The following MIB1 variants were observed in gnomAD, a reference collection of about 807,000 sequenced individuals.
MIB1 encodes the protein MIB E3 ubiquitin protein ligase 1, also known as E3 ubiquitin-protein ligase MIB1.
A neutral mutation model predicts 124.5 loss-of-function variants in MIB1; 278 were observed. The observed-to-expected ratio is 2.23, with a 90% confidence interval of 2.02 to 2.47. MIB1 has a LOEUF of 2.47. Ranked by LOEUF, MIB1 falls within the 30% of genes most tolerant of loss-of-function variation. MIB1 has a pLI of 0.00. For missense variants in MIB1, 957 were observed against 1,254.4 expected (o/e 0.76, Z 3.58); for synonymous variants, 446 against 429.4 (o/e 1.04, Z -0.48).
chr18:21,839,559 C>T (rs1240063071), intron 13 of MIB1, among the ~76,000 whole-genome samples: 1 of 152,206 alleles, frequency 6.6e-6, no homozygotes, highest in East Asian at 1.9e-4. Flanking sequence ...GGCTGGAGTA[C>T]AGTGGCACAA....
intron 2 of MIB1, among the ~76,000 whole-genome samples, chr18:21,766,714 A>G (rs774397545): frequency 2.0e-5 from 3 of 152,084 alleles, no homozygotes; most frequent in Non-Finnish European, 4.4e-5. Context: ...TTTTGTTTGC[A>G]ATTAAAATTA....
chr18:21,766,632 C>T (rs1334980551), intron 2 of MIB1, among the ~76,000 whole-genome samples: 1 of 132,806 alleles, frequency 7.5e-6, no homozygotes. Flanking sequence ...TGGAGTCATA[C>T]CTCTCTTGGT....
rs1385712211 is a variant in MIB1 at position 21,866,525 on chromosome 18, TC to T, written c.*1861del. The T allele has an allele frequency of 1.3e-5, 2 of 152,168 alleles. No individual in the cohort carries two copies. The highest frequency in any genetic ancestry group is 2.9e-5 in the Non-Finnish European group (2 of 68,022). 9.4% of individuals were successfully genotyped at this position (152,168 alleles called of 1,614,324 possible). A position where few individuals can be genotyped will look rare whatever the true frequency, so the allele number is the denominator to read the frequency against. ...AAAACAGCATGTCAGGTTTTTCCTT[TC>T]CTTCCATGCCATGGGCTACCCATCT... is the stretch of plus-strand genomic sequence containing the variant. On this transcript the variant is annotated 3_prime_UTR_variant, in exon 21 of 21. Coordinates refer to ENST00000261537, the MANE Select transcript of MIB1 (RefSeq NM_020774.4).
chr18:21,720,876 A>G (rs994887173), intron 1 of MIB1, among the ~76,000 whole-genome samples: 2 of 152,150 alleles, frequency 1.3e-5, no homozygotes, highest in African/African-American at 4.8e-5. Context: ...GATTGCTTCA[A>G]CACAGGAGTT....
intron 2 of MIB1, among the ~76,000 whole-genome samples, chr18:21,767,607 G>A (rs956247634): frequency 2.0e-5 from 3 of 152,020 alleles, no homozygotes; most frequent in Admixed American, 2.0e-4. Flanking sequence ...GAGTGCAGTG[G>A]CACAATGTTG....
intron 4 of MIB1, among the ~76,000 whole-genome samples, chr18:21,774,810 A>ATTTATTTATT (rs1555690026): frequency 6.7e-5 from 10 of 149,580 alleles, no homozygotes; most frequent in African/African-American, 2.5e-4. Flanking sequence ...TTTATTTTTT[A>ATTTATTTATT]TATTTATTTA....
In MIB1 at chr18:21,765,800, T is replaced by TA; in HGVS notation, c.259dup (p.Thr87AsnfsTer21). ...TCAAGCATGATGGAACCATGTGTGA[T>TA]ACCTGCCGCCAGCAACCAATCATTG... On this transcript the variant is annotated frameshift_variant, in exon 2 of 21. Transcript: ENST00000261537. LOFTEE classifies it high-confidence loss of function. 1 of 1,614,192 alleles carries TA rather than the reference T, an allele frequency of 6.2e-7. No individual in the cohort carries two copies. Among genetic ancestry groups the TA allele is most frequent in the East Asian group, 2.2e-5 (1 of 44,878 alleles).
At chr18:21,800,290 A>C (rs1263710639) in intron 9 of MIB1, among the ~76,000 whole-genome samples, 1 of 152,002 alleles carries the variant, frequency 6.6e-6, no homozygotes, top group East Asian at 1.9e-4. Flanking sequence ...GACATCTTCT[A>C]AGTATATTTT....
chr18:21,773,607 A>T lies in MIB1; in HGVS notation c.532-17A>T. ...TCCCCTTTAAAAAACTTCTTTTCTC[A>T]AAAACTATTCTGTTAGGTAACAGAA... On this transcript the variant is annotated splice_polypyrimidine_tract_variant and intron_variant, in intron 3 of 20. Transcript: ENST00000261537. 1 of 1,583,670 alleles carries T rather than the reference A, an allele frequency of 6.3e-7. No homozygotes were observed.
intron 4 of MIB1, among the ~76,000 whole-genome samples, chr18:21,776,813 G>A (rs1260373171): frequency 1.3e-5 from 2 of 151,878 alleles, no homozygotes; most frequent in African/African-American, 2.4e-5. Flanking sequence ...GTGAAACCTC[G>A]TAAAAATACA....
intron 1 of MIB1, among the ~76,000 whole-genome samples, chr18:21,760,367 A>G (rs534021505): frequency 6.6e-6 from 1 of 152,314 alleles, no homozygotes; most frequent in South Asian, 2.1e-4. Context: ...TTTAAATACC[A>G]ACTTTTGTTT....
intron 1 of MIB1, among the ~76,000 whole-genome samples, chr18:21,708,721 G>A (rs2040651779): frequency 6.6e-6 from 1 of 152,116 alleles, no homozygotes; most frequent in South Asian, 2.1e-4. Flanking sequence ...AGCTCAGAAA[G>A]TTTAATTCAT....
At chr18:21,760,338 T>C (rs2041083945) in intron 1 of MIB1, among the ~76,000 whole-genome samples, 1 of 152,242 alleles carries the variant, frequency 6.6e-6, no homozygotes, top group African/African-American at 2.4e-5. Flanking sequence ...TAATGCCCTT[T>C]CTTCTGTTTT....
intron 1 of MIB1, among the ~76,000 whole-genome samples, chr18:21,758,595 C>G (rs563443763): frequency 5.8e-4 from 88 of 151,662 alleles, no homozygotes; most frequent in Non-Finnish European, 1.0e-3. Flanking sequence ...AGTGCAATGG[C>G]GTGGTCTTGA....
chr18:21,762,329 A>G (rs183439229), intron 1 of MIB1, among the ~76,000 whole-genome samples: 34 of 152,344 alleles, frequency 2.2e-4, no homozygotes, highest in African/African-American at 7.5e-4. Flanking sequence ...TAACATAACC[A>G]GTGTTGAAAA....
At chr18:21,819,679 C>CAAA (rs1333202601) in intron 12 of MIB1, 33 bp downstream of exon 12, 1 of 1,407,282 alleles carries the variant, frequency 7.1e-7, no homozygotes, top group East Asian at 2.6e-5. Flanking sequence ...AGGTGCAATT[C>CAAA]AAAAATATTT....
intron 1 of MIB1, among the ~76,000 whole-genome samples, chr18:21,735,106 A>C (rs1420404157): frequency 6.6e-6 from 1 of 152,224 alleles, no homozygotes; most frequent in East Asian, 1.9e-4. Context: ...AAGGTGGCCA[A>C]ATAGGAACAG....
intron 1 of MIB1, among the ~76,000 whole-genome samples, chr18:21,743,276 C>G (rs2040875945): frequency 6.6e-6 from 1 of 152,176 alleles, no homozygotes; most frequent in Non-Finnish European, 1.5e-5. Context: ...TGATAATAAA[C>G]TATATTCACT....
chr18:21,724,816 G>A (rs1230858852), intron 1 of MIB1, among the ~76,000 whole-genome samples: 9 of 130,410 alleles, frequency 6.9e-5, no homozygotes, highest in African/African-American at 2.3e-4. Flanking sequence ...ATGTTGGCCC[G>A]GCGCAGTGGC....
Sources: allele counts gnomAD v4.1 joint callset (sites outside exome capture counted in the v4.1 genomes callset), GRCh38; gene constraint gnomAD v4.1.1; transcripts MANE v1.5; gene names NCBI Gene and HGNC (gene_info 2026-07-23, HGNC 2026-07-21).